Variants in CDH3 observed in about 807,000 individuals in gnomAD.
CDH3 encodes the protein cadherin 3.
In CDH3, 54 loss-of-function variants were observed where a neutral mutation model predicts 82.0. The observed-to-expected ratio is 0.66, with a 90% confidence interval of 0.53 to 0.83. The LOEUF is 0.83. Among genes scored for constraint, CDH3 ranks in the 40% least tolerant of loss-of-function variants. The pLI is 0.00. For missense variants in CDH3, 1,054 were observed against 1,084.6 expected (o/e 0.97, Z 0.40); for synonymous variants, 446 against 437.9 (o/e 1.02, Z -0.23).
chr16:68,700,757 G>A (rs141398119), downstream of CDH3, among the ~76,000 whole-genome samples: 1 of 152,344 alleles, frequency 6.6e-6, no homozygotes, highest in African/African-American at 2.4e-5. Flanking sequence ...GGGAAACTGA[G>A]GCACAAGAAT....
Position 68,707,866 on chromosome 16 carries a change from C to T in CDH3, c.99+11943C>T, listed in dbSNP as rs34565494. Among the ~76,000 whole-genome samples the T allele has an allele frequency of 0.25, 37,042 of 149,740 alleles. 4,650 individuals carry two copies. The highest frequency in any genetic ancestry group is 0.29 in the Admixed American group (4,330 of 15,020). On this transcript the variant is annotated intron_variant, in intron 1 of 2. Transcript: ENST00000569080. The surrounding 1 kb of genome is among the most constrained non-coding windows in gnomAD (Gnocchi z 4.5). The stretch of plus-strand genomic sequence containing the variant: ...GGGCCGGGGAGGAATCTGAGAGGGG[C>T]GGGGCGGGTCAGGAATGCCTGGGCT...
At chr16:68,651,223 A>G in intron 2 of CDH3, 1 of 526,152 alleles carries the variant, frequency 1.9e-6, no homozygotes, top group Admixed American at 2.0e-5. Context: ...CTGCAGGGAC[A>G]CGGAGGAGTT....
intron 9 of CDH3, among the ~76,000 whole-genome samples, chr16:68,683,025 A>T (rs2152101919): frequency 6.6e-6 from 1 of 152,198 alleles, no homozygotes; most frequent in South Asian, 2.1e-4. Context: ...AGGTGGGAGG[A>T]TCACTTGAGG....
Position 68,698,526 on chromosome 16 carries a change from C to G in CDH3, c.*126C>G, listed in dbSNP as rs1961817286. On this transcript the variant is annotated 3_prime_UTR_variant, in exon 16 of 16. Coordinates refer to ENST00000264012, the MANE Select transcript of CDH3 (RefSeq NM_001793.6). ...AGTGGCCGTAGCAACTTGGCGGAGA[C>G]AGGCTATGAGTCTGACGTTAGAGTG... 6 of 802,554 alleles carry G rather than the reference C, an allele frequency of 7.5e-6. No individual in the cohort carries two copies. Among genetic ancestry groups the G allele is most frequent in the African/African-American group, 1.7e-5 (1 of 58,840 alleles). The allele number at this position is 802,554 out of a possible 1,614,324, so 49.7% of individuals were successfully genotyped here. A position where few individuals can be genotyped will look rare whatever the true frequency, so the allele number is the denominator to read the frequency against.
At position 68,687,509 on chromosome 16, in the gene CDH3, CAGGA is replaced by C; in HGVS notation, c.1571_1574del (p.Gly524AlafsTer12). On this transcript the variant is annotated splice_acceptor_variant and coding_sequence_variant, in exon 12 of 16. Transcript: ENST00000264012. LOFTEE classifies it high-confidence loss of function. ...AGCTCATCATATGTGTCATTACAAA[CAGGA>C]AGCCCTCCCACCACTGGCACGGGAA... is the stretch of plus-strand genomic sequence containing the variant. The C allele has an allele frequency of 6.2e-7, 1 of 1,613,282 alleles. No individual in the cohort carries two copies. Among genetic ancestry groups the C allele is most frequent in the Non-Finnish European group, 8.5e-7 (1 of 1,179,340 alleles).
At chr16:68,653,646 G>A (rs1363925540) in intron 2 of CDH3, among the ~76,000 whole-genome samples, 1 of 151,944 alleles carries the variant, frequency 6.6e-6, no homozygotes, top group Non-Finnish European at 1.5e-5. Context: ...AAAGTAGAAA[G>A]GGAATCTGGA....
chr16:68,647,079 A>G (rs1037258027), intron 2 of CDH3, among the ~76,000 whole-genome samples: 1 of 152,196 alleles, frequency 6.6e-6, no homozygotes, highest in Non-Finnish European at 1.5e-5. Flanking sequence ...GAGGAGAGGC[A>G]TTAAGAAGCC....
intron 1 of CDH3, among the ~76,000 whole-genome samples, chr16:68,722,173 T>G (rs1261334367): frequency 6.6e-6 from 1 of 152,188 alleles, no homozygotes; most frequent in East Asian, 1.9e-4. Context: ...CTGGCTCCCT[T>G]GTCTGTTTAT....
intron 1 of CDH3, among the ~76,000 whole-genome samples, chr16:68,719,990 C>T (rs1405919262): frequency 6.6e-6 from 1 of 151,848 alleles, no homozygotes; most frequent in African/African-American, 2.4e-5. Context: ...CTCTTCTCTA[C>T]AAAAAATGAA....
At chr16:68,701,544 A>AT (rs71382058), downstream of CDH3, among the ~76,000 whole-genome samples, 3,941 of 128,192 alleles carry the variant, frequency 0.031, 87 homozygotes, top group Non-Finnish European at 0.045. Context: ...ATTACACACA[A>AT]TTTTTTTTTT....
chr16:68,648,047 G>C (rs1165481358), intron 2 of CDH3, among the ~76,000 whole-genome samples: 1 of 152,168 alleles, frequency 6.6e-6, no homozygotes, highest in African/African-American at 2.4e-5. Context: ...CTCTGAGCTT[G>C]CTTTATCCTC....
At chr16:68,712,032 G>GTTTTC (rs1415313089) in intron 1 of CDH3, among the ~76,000 whole-genome samples, 1 of 86,004 alleles carries the variant, frequency 1.2e-5, no homozygotes, top group African/African-American at 4.3e-5. Flanking sequence ...GGGTTTTTTT[G>GTTTTC]TTTTCTTTTT....
Position 68,678,526 on chromosome 16 carries a change from C to T in CDH3, c.416C>T (p.Thr139Ile), listed in dbSNP as rs1428634638. ...NQLKSNKDRD[T>I]KIFYSITGPG... ...CTCAAGTCTAATAAAGATAGAGACA[C>T]CAAGATTTTCTACAGCATCACGGGG... Residue 139 changes from threonine to isoleucine, a missense_variant, in exon 5 of 16, where the codon ACC becomes ATC. By Grantham distance (89) the Thr-to-Ile change is moderately conservative. Transcript: ENST00000264012. 2 of 1,614,236 alleles carry T rather than the reference C, an allele frequency of 1.2e-6. No individual in the cohort carries two copies. The highest frequency in any genetic ancestry group is 1.7e-6 in the Non-Finnish European group (2 of 1,180,046).
chr16:68,706,064 C>CAAA (rs548695101), intron 1 of CDH3, among the ~76,000 whole-genome samples: 1 of 70,594 alleles, frequency 1.4e-5, no homozygotes, highest in African/African-American at 4.4e-5. Flanking sequence ...GACTCCGTCT[C>CAAA]AAAAAAAAAA....
chr16:68,703,664 A>G (rs2152109066), downstream of CDH3, among the ~76,000 whole-genome samples: 1 of 152,344 alleles, frequency 6.6e-6, no homozygotes, highest in South Asian at 2.1e-4. Flanking sequence ...ATGGGGGAGT[A>G]GGCTGGGCAT....
At chr16:68,692,034 C>G in intron 13 of CDH3, 108 bp downstream of exon 13, 1 of 808,530 alleles carries the variant, frequency 1.2e-6, no homozygotes, top group Admixed American at 2.5e-5. Context: ...ATTGCCCGTC[C>G]ACTCCTTAAA....
chr16:68,668,958 A>G (rs1233495527), intron 2 of CDH3, among the ~76,000 whole-genome samples: 1 of 152,174 alleles, frequency 6.6e-6, no homozygotes, highest in Non-Finnish European at 1.5e-5. Flanking sequence ...TGAGGTAGGT[A>G]TTGTTTCATT....
At chr16:68,703,359 G>C (rs1352168406), downstream of CDH3, among the ~76,000 whole-genome samples, 5 of 152,326 alleles carry the variant, frequency 3.3e-5, no homozygotes, top group East Asian at 9.7e-4. Flanking sequence ...CCAGCCCGGG[G>C]ACTGCTGGGG....
At chr16:68,686,658 G>A in intron 11 of CDH3, 1 of 854,822 alleles carries the variant, frequency 1.2e-6, no homozygotes, top group Non-Finnish European at 2.0e-6. Flanking sequence ...TTTAGGGATG[G>A]TGACATTCTT....
Sources: gnomAD v4.1 joint callset for allele counts (sites outside exome capture counted in the v4.1 genomes callset) on GRCh38, gnomAD v4.1.1 for gene constraint, Gnocchi (gnomAD v3.1) non-coding constraint, MANE v1.5 for transcripts, NCBI Gene and HGNC (gene_info 2026-07-23, HGNC 2026-07-21) for gene names.